The following SH3KBP1 variants were observed in gnomAD, a reference collection of about 807,000 sequenced individuals.
SH3KBP1 encodes SH3 domain-containing kinase-binding protein 1.
SH3KBP1 carries 8 observed loss-of-function variants against 50.1 expected under a neutral mutation model. That is an observed-to-expected ratio of 0.16 (90% CI 0.09 to 0.29). SH3KBP1 has a LOEUF of 0.29. Ranked by LOEUF, SH3KBP1 falls within the 10% of genes least tolerant of loss-of-function variation. The probability of loss-of-function intolerance (pLI) is 1.00; values close to 1 mark genes in which losing one functional copy is unlikely to be tolerated. For synonymous variants in SH3KBP1, 227 were observed against 218.6 expected, an observed-to-expected ratio of 1.04 and a Z score of -0.34; for missense variants, 377 against 535.2, an observed-to-expected ratio of 0.70 and a Z score of 2.92.
intron 13 of SH3KBP1, among the ~76,000 whole-genome samples, chrX:19,567,429 G>T (rs1416863711): frequency 1.0e-5 from 1 of 97,433 alleles, no homozygotes; most frequent in African/African-American, 3.8e-5. Flanking sequence ...TGGGGTGGGA[G>T]GATCGCTTGA....
chrX:19,660,591 G>A, intron 6 of SH3KBP1, among the ~76,000 whole-genome samples: 2 of 111,922 alleles, frequency 1.8e-5, no homozygotes, highest in Middle Eastern at 4.6e-3. Flanking sequence ...TTAAGGTGGT[G>A]CCTACAGTGA....
rs191344559 is a variant in SH3KBP1 at position 19,693,478 on chromosome X, G to T, written c.520+2134C>A. Reference sequence around the variant, plus strand: ...TTATCAGAAGCAGCCATCCTTGTTAGGGGACCATGCCTCTCCAGGGGATTC... The same window carrying T: ...TTATCAGAAGCAGCCATCCTTGTTATGGGACCATGCCTCTCCAGGGGATTC... On this transcript the variant is annotated intron_variant, in intron 5 of 17. Transcript: ENST00000397821. Among the ~76,000 whole-genome samples, 7 of 111,817 alleles carry T rather than the reference G, an allele frequency of 6.3e-5. No individual in the cohort carries two copies. In the East Asian group the frequency reaches 2.0e-3, roughly 31 times the overall value.
chrX:19,844,564 T>C (rs1204986721), intron 1 of SH3KBP1, among the ~76,000 whole-genome samples: 1 of 111,290 alleles, frequency 9.0e-6, no homozygotes, highest in African/African-American at 3.3e-5. Flanking sequence ...AATGCCTATA[T>C]AGCAGAGGGG....
chrX:19,645,500 A>C, intron 6 of SH3KBP1, 25 bp from the exon 7 acceptor site: 1 of 1,048,835 alleles, frequency 9.5e-7, no homozygotes, highest in African/African-American at 1.8e-5. Context: ...AGATGATTTT[A>C]CTTATCAAGA....
At chrX:19,828,143 T>G (rs1488379471) in intron 2 of SH3KBP1, among the ~76,000 whole-genome samples, 4 of 111,438 alleles carry the variant, frequency 3.6e-5, no homozygotes, top group African/African-American at 1.3e-4. Flanking sequence ...TGTTTTCTCT[T>G]TTTTCTTTTC....
At chrX:19,552,711 T>C (rs1405667144) in intron 13 of SH3KBP1, among the ~76,000 whole-genome samples, 1 of 109,963 alleles carries the variant, frequency 9.1e-6, no homozygotes, top group African/African-American at 3.3e-5. Context: ...ACCTGGACAA[T>C]TTAAAAAAAC....
intron 1 of SH3KBP1, among the ~76,000 whole-genome samples, chrX:19,861,816 T>C (rs1371489101): frequency 1.8e-5 from 2 of 112,210 alleles, no homozygotes; most frequent in African/African-American, 6.5e-5. Context: ...ATTGTCATGG[T>C]GAAGAACTCT....
At chrX:19,773,892 A>T (rs2065878498) in intron 2 of SH3KBP1, among the ~76,000 whole-genome samples, 1 of 98,953 alleles carries the variant, frequency 1.0e-5, no homozygotes, top group Non-Finnish European at 2.0e-5. Context: ...AAAAAGAATC[A>T]TCATTTTTCT....
At chrX:19,583,913 A>ATATAAATATATATCATTTATATTTATATT (rs1358124302) in intron 12 of SH3KBP1, among the ~76,000 whole-genome samples, 95 of 98,794 alleles carry the variant, frequency 9.6e-4, no homozygotes, top group Non-Finnish European at 1.6e-3. Flanking sequence ...ATTTCTAAAT[A>ATATAAATATATATCATTTATATTTATATT]TATAAATATA....
chrX:19,756,320 T>C (rs1202754730), intron 2 of SH3KBP1, among the ~76,000 whole-genome samples: 1 of 111,531 alleles, frequency 9.0e-6, no homozygotes, highest in Admixed American at 9.6e-5. Flanking sequence ...CTGTTTGTTT[T>C]CACAGCATGT....
At chrX:19,735,227 T>C (rs763994555) in intron 3 of SH3KBP1, among the ~76,000 whole-genome samples, 37 of 112,125 alleles carry the variant, frequency 3.3e-4, no homozygotes, top group Non-Finnish European at 5.8e-4. Flanking sequence ...ATAAGGTTTA[T>C]CAAGTTTGTT....
chrX:19,786,350 C>G (rs935599639), intron 2 of SH3KBP1, among the ~76,000 whole-genome samples: 1 of 111,545 alleles, frequency 9.0e-6, no homozygotes. Context: ...CAGATGATAA[C>G]GCTGAAGCTA....
intron 9 of SH3KBP1, among the ~76,000 whole-genome samples, chrX:19,598,912 T>C (rs2066993073): frequency 1.8e-5 from 2 of 112,151 alleles, no homozygotes; most frequent in South Asian, 3.7e-4. Context: ...CACAAAGACA[T>C]GAAGTGAGCA....
intron 2 of SH3KBP1, among the ~76,000 whole-genome samples, chrX:19,827,862 TATGGTCTGTC>T: frequency 2.1e-5 from 2 of 93,750 alleles, no homozygotes; most frequent in African/African-American, 9.1e-5. Context: ...TACCCCATAT[TATGGTCTGTC>T]ATGGTCTGTT....
intron 2 of SH3KBP1, among the ~76,000 whole-genome samples, chrX:19,764,752 A>AC (rs1253515196): frequency 9.1e-6 from 1 of 109,328 alleles, no homozygotes; most frequent in East Asian, 2.8e-4. Flanking sequence ...GGCCACTGCT[A>AC]CCTAGGGTCT....
chrX:19,810,330 A>G (rs753473798), intron 2 of SH3KBP1, among the ~76,000 whole-genome samples: 7 of 112,841 alleles, frequency 6.2e-5, no homozygotes, highest in Non-Finnish European at 1.3e-4. Flanking sequence ...GTTTATAGTA[A>G]AGTGAATCTT....
intron 4 of SH3KBP1, among the ~76,000 whole-genome samples, 155 bp from the exon 5 acceptor site, chrX:19,695,896 C>T (rs1341153151): frequency 9.0e-6 from 1 of 111,095 alleles, no homozygotes. Flanking sequence ...AAAAAGACCA[C>T]ATAGAGCCTT....
chrX:19,571,731 C>G (rs2066012689), intron 12 of SH3KBP1, among the ~76,000 whole-genome samples: 1 of 111,120 alleles, frequency 9.0e-6, no homozygotes, highest in South Asian at 3.8e-4. Context: ...ACAGCTCTGT[C>G]CTTTTTGAAA....
chrX:19,599,949 C>T (rs1025896069), intron 9 of SH3KBP1, among the ~76,000 whole-genome samples: 1 of 109,603 alleles, frequency 9.1e-6, no homozygotes, highest in Non-Finnish European at 1.9e-5. Flanking sequence ...AGATCGAAAC[C>T]ACGGTGAAAC....
Sources: gnomAD v4.1 joint callset for allele counts (sites outside exome capture counted in the v4.1 genomes callset) on GRCh38, gnomAD v4.1.1 for gene constraint, MANE v1.5 for transcripts, NCBI Gene and HGNC (gene_info 2026-07-23, HGNC 2026-07-21) for gene names.